Variants in AHCYL2 observed in about 807,000 individuals in gnomAD.
The protein encoded by AHCYL2 is S-adenosylhomocysteine hydrolase-like protein 2.
A neutral mutation model predicts 81.4 loss-of-function variants in AHCYL2; 28 were observed. The ratio of observed to expected loss-of-function variants is 0.34; its 90% CI spans 0.25 to 0.47. AHCYL2 has a LOEUF of 0.47. Among genes scored for constraint, AHCYL2 ranks in the 20% least tolerant of loss-of-function variants. The probability of loss-of-function intolerance (pLI) is 1.00; values close to 1 mark genes in which losing one functional copy is unlikely to be tolerated. For synonymous variants in AHCYL2, 272 were observed against 290.2 expected (o/e 0.94, Z 0.64); for missense variants, 551 against 785.1 (o/e 0.70, Z 3.56).
chr7:129,351,962 C>A (rs1793581806), intron 1 of AHCYL2, among the ~76,000 whole-genome samples: 1 of 152,066 alleles, frequency 6.6e-6, no homozygotes, highest in South Asian at 2.1e-4. Flanking sequence ...CAGATAACAT[C>A]TTTCTTCCAG....
intron 1 of AHCYL2, among the ~76,000 whole-genome samples, chr7:129,372,321 G>T (rs1018527898): frequency 6.6e-6 from 1 of 152,100 alleles, no homozygotes; most frequent in Non-Finnish European, 1.5e-5. Context: ...ATCCTTTGTA[G>T]TATTACTTTA....
rs537414535 is a variant in AHCYL2 at position 129,273,182 on chromosome 7, A to C, written c.363+47743A>C. On this transcript the variant is annotated intron_variant, in intron 1 of 16. Coordinates refer to ENST00000325006, the MANE Select transcript of AHCYL2 (RefSeq NM_015328.4). ...CTCCCAAAGTGCTGGGATTATAGGC[A>C]TGAGCCACTGCGCCTAGCCTGACCA... Among the ~76,000 whole-genome samples, 428 of 152,246 alleles carry C rather than the reference A, an allele frequency of 2.8e-3. 4 individuals are homozygous for C. Among genetic ancestry groups the C allele is most frequent in the African/African-American group, 9.7e-3 (404 of 41,564 alleles).
intron 7 of AHCYL2, among the ~76,000 whole-genome samples, chr7:129,404,091 G>T (rs1272436657): frequency 1.3e-5 from 2 of 151,598 alleles, no homozygotes; most frequent in Non-Finnish European, 2.9e-5. Context: ...CAATTAACTT[G>T]TCCTTTTTGG....
Position 129,379,624 on chromosome 7 carries a change from T to A in AHCYL2, c.364-14T>A. On this transcript the variant is annotated splice_polypyrimidine_tract_variant and intron_variant, in intron 1 of 16. Transcript: ENST00000325006. ...GGTTCTTTTTCTTTATATAACTAGGTTTCTTTTTCTTAGCAGATCCAGTTT... is the reference window on the plus strand; with the variant it reads ...GGTTCTTTTTCTTTATATAACTAGGATTCTTTTTCTTAGCAGATCCAGTTT... 6.2e-7 allele frequency: 1 copy of A among 1,606,342 alleles called. No individual in the cohort carries two copies. Among genetic ancestry groups the A allele is most frequent in the Non-Finnish European group, 8.5e-7 (1 of 1,176,096 alleles).
intron 1 of AHCYL2, among the ~76,000 whole-genome samples, chr7:129,267,604 C>T (rs1795862276): frequency 6.6e-6 from 1 of 152,136 alleles, no homozygotes; most frequent in Non-Finnish European, 1.5e-5. Context: ...TGCGCCCCTC[C>T]CCAAGCCTTA....
chr7:129,275,694 G>A (rs936198766), intron 1 of AHCYL2, among the ~76,000 whole-genome samples: 1 of 151,928 alleles, frequency 6.6e-6, no homozygotes, highest in Non-Finnish European at 1.5e-5. Context: ...CTTATAGCAT[G>A]GCCTTAAAAT....
intron 1 of AHCYL2, among the ~76,000 whole-genome samples, chr7:129,303,947 A>G (rs1262470254): frequency 6.6e-6 from 1 of 151,922 alleles, no homozygotes; most frequent in Non-Finnish European, 1.5e-5. Context: ...TTAGTCGGGC[A>G]TTGGTGGTGC....
At chr7:129,344,257 A>G (rs1204205903) in intron 1 of AHCYL2, among the ~76,000 whole-genome samples, 1 of 152,208 alleles carries the variant, frequency 6.6e-6, no homozygotes, top group Non-Finnish European at 1.5e-5. Flanking sequence ...TTACCCAAGA[A>G]AATGAAGCCC....
At chr7:129,322,477 T>C (rs1300255885) in intron 1 of AHCYL2, among the ~76,000 whole-genome samples, 1 of 152,216 alleles carries the variant, frequency 6.6e-6, no homozygotes, top group African/African-American at 2.4e-5. Flanking sequence ...CTTTAATAAA[T>C]ATTTCTATAT....
chr7:129,414,353 T>G (rs1307588532), intron 12 of AHCYL2, among the ~76,000 whole-genome samples: 1 of 152,116 alleles, frequency 6.6e-6, no homozygotes, highest in Admixed American at 6.5e-5. Context: ...ACCCTAAAAT[T>G]TTCCAATCCA....
intron 1 of AHCYL2, among the ~76,000 whole-genome samples, chr7:129,291,045 TAAAA>T (rs1733085302): frequency 6.6e-6 from 1 of 152,068 alleles, no homozygotes; most frequent in Non-Finnish European, 1.5e-5. Context: ...TATTAAAATA[TAAAA>T]AAAGGAGTAA....
At chr7:129,424,172 A>T (rs1321261384) in intron 13 of AHCYL2, among the ~76,000 whole-genome samples, 3 of 151,840 alleles carry the variant, frequency 2.0e-5, no homozygotes, top group African/African-American at 7.3e-5. Flanking sequence ...AGGAGAAGCA[A>T]ACTGAAGGAG....
intron 5 of AHCYL2, among the ~76,000 whole-genome samples, chr7:129,397,989 T>C (rs1795825061): frequency 6.6e-6 from 1 of 152,260 alleles, no homozygotes; most frequent in South Asian, 2.1e-4. Flanking sequence ...CAGTGAATTG[T>C]ACATACGCAT....
In AHCYL2 at chr7:129,225,136, G is replaced by A. The variant is rs748887588; in HGVS notation, c.60G>A (p.Lys20=). The change falls in exon 1 of 17, where the codon AAG becomes AAA. Residue 20 remains lysine, a synonymous_variant. Coordinates refer to ENST00000325006, the MANE Select transcript of AHCYL2 (RefSeq NM_015328.4). ...CCAAGGTGCCTGAGGTGGAGCTGAA[G>A]GACCTGAGCCCCTCCGAGGCGGAGT... ...AAAKVPEVEL[K]DLSPSEAESQ... is the part of the protein sequence containing the mutation. 2.5e-6 allele frequency: 4 copies of A among 1,603,146 alleles called. No individual in the cohort carries two copies. Among genetic ancestry groups the A allele is most frequent in the Admixed American group, 3.4e-5 (2 of 58,992 alleles).
intron 1 of AHCYL2, chr7:129,375,806 T>A (rs1563219865): frequency 6.5e-7 from 1 of 1,532,326 alleles, no homozygotes; most frequent in Non-Finnish European, 8.7e-7. Context: ...ATGAGGAAAG[T>A]TTAAAGGCCT....
At chr7:129,379,396 G>C (rs1794843137) in intron 1 of AHCYL2, among the ~76,000 whole-genome samples, 1 of 151,894 alleles carries the variant, frequency 6.6e-6, no homozygotes, top group Non-Finnish European at 1.5e-5. Flanking sequence ...TGTGTGAGAG[G>C]ATTGCTTGAA....
At chr7:129,396,063 A>T (rs1795722109) in intron 4 of AHCYL2, among the ~76,000 whole-genome samples, 1 of 151,980 alleles carries the variant, frequency 6.6e-6, no homozygotes, top group African/African-American at 2.4e-5. Flanking sequence ...GGCTTTGTAG[A>T]TTACCCAGTT....
intron 11 of AHCYL2, among the ~76,000 whole-genome samples, chr7:129,413,140 CCTG>C (rs1365901703): frequency 6.9e-6 from 1 of 145,090 alleles, no homozygotes; most frequent in Non-Finnish European, 1.5e-5. Context: ...GCATGCCTGG[CCTG>C]CTTTTTTTTT....
intron 1 of AHCYL2, among the ~76,000 whole-genome samples, chr7:129,235,496 C>T (rs1379722794): frequency 6.6e-6 from 1 of 152,130 alleles, no homozygotes; most frequent in East Asian, 1.9e-4. Context: ...CATCATGGCT[C>T]ACTGCAGCCT....
Sources: allele counts gnomAD v4.1 joint callset (sites outside exome capture counted in the v4.1 genomes callset), GRCh38; gene constraint gnomAD v4.1.1; transcripts MANE v1.5; gene names NCBI Gene and HGNC (gene_info 2026-07-23, HGNC 2026-07-21).